SNX9: variants seen among roughly 807,000 people sequenced by gnomAD.
SNX9 encodes sorting nexin-9.
A neutral mutation model predicts 89.4 loss-of-function variants in SNX9; 44 were observed. That is an observed-to-expected ratio of 0.49 (90% CI 0.39 to 0.63). The LOEUF (loss-of-function observed/expected upper bound fraction) is 0.63. Among genes scored for constraint, SNX9 ranks in the 30% least tolerant of loss-of-function variants. The pLI, the probability that SNX9 is intolerant of heterozygous loss-of-function variation, is 0.00. For synonymous variants in SNX9, 236 were observed against 247.8 expected, an observed-to-expected ratio of 0.95 and a Z score of 0.45; for missense variants, 578 against 736.1, an observed-to-expected ratio of 0.79 and a Z score of 2.49.
At chr6:157,906,052 A>C (rs1783208681) in intron 6 of SNX9, 76 bp from the exon 7 acceptor site, 1 of 1,246,356 alleles carries the variant, frequency 8.0e-7, no homozygotes, top group Non-Finnish European at 1.1e-6. Flanking sequence ...AAAACTGGTA[A>C]GTAAATGTAG....
intron 1 of SNX9, among the ~76,000 whole-genome samples, chr6:157,845,419 C>T (rs1373332493): frequency 6.6e-6 from 1 of 152,142 alleles, no homozygotes; most frequent in East Asian, 1.9e-4. Context: ...CCCCATTTGT[C>T]TTAACTGTTG....
chr6:157,887,110 A>G (rs548414995), intron 4 of SNX9, among the ~76,000 whole-genome samples: 82 of 152,178 alleles, frequency 5.4e-4, no homozygotes, highest in African/African-American at 1.9e-3. Flanking sequence ...TATGCTGGAT[A>G]TTTTTGCATT....
At chr6:157,872,987 A>G (rs1782444923) in intron 2 of SNX9, 115 bp from the exon 3 acceptor site, 1 of 646,024 alleles carries the variant, frequency 1.5e-6, no homozygotes. Context: ...TCTAGGAATG[A>G]AAAGCTTAAT....
Position 157,826,849 on chromosome 6 carries a change from TATATATAAATATATATTATAGTTTATATA to T in SNX9, c.12+3442_12+3470del, listed in dbSNP as rs1554290562. Among the ~76,000 whole-genome samples the T allele has an allele frequency of 2.3e-4, 10 of 44,268 alleles. 1 individual carries two copies. The highest frequency in any genetic ancestry group is 6.7e-4 in the South Asian group (1 of 1,488). The allele number at this position is 44,268 out of a possible 152,430, so 29.0% of individuals were successfully genotyped here. On this transcript the variant is annotated intron_variant, in intron 1 of 17. Transcript: ENST00000392185. Reference sequence around the variant, plus strand: ...TATATTTTATATATATATTATATTTTATATATAAATATATATTATAGTTTATATAATATATAAATATATATTATAGTTTA... The same window carrying T: ...TATATTTTATATATATATTATATTTTATATATAAATATATATTATAGTTTA...
chr6:157,933,178 C>T (rs1413053693), intron 13 of SNX9, among the ~76,000 whole-genome samples: 1 of 152,150 alleles, frequency 6.6e-6, no homozygotes, highest in Non-Finnish European at 1.5e-5. Context: ...CCTGTAGTCT[C>T]AGCTGTTCTG....
intron 1 of SNX9, among the ~76,000 whole-genome samples, chr6:157,844,831 A>G (rs1781774096): frequency 6.6e-6 from 1 of 151,870 alleles, no homozygotes; most frequent in Non-Finnish European, 1.5e-5. Context: ...CTGACCTCAA[A>G]TGATTTACCC....
At chr6:157,844,597 TTTG>T (rs1303759559) in intron 1 of SNX9, among the ~76,000 whole-genome samples, 11 of 139,250 alleles carry the variant, frequency 7.9e-5, no homozygotes, top group South Asian at 2.3e-4. Flanking sequence ...GTTTTTTTTT[TTTG>T]TTTTTTTTTT....
At chr6:157,940,058 T>C (rs1160472507) in intron 16 of SNX9, among the ~76,000 whole-genome samples, 1 of 152,154 alleles carries the variant, frequency 6.6e-6, no homozygotes, top group African/African-American at 2.4e-5. Flanking sequence ...CTGTGAGAGG[T>C]TGAGTTCTGA....
chr6:157,830,703 C>A (rs192018102), intron 1 of SNX9: 1 of 152,270 alleles, frequency 6.6e-6, no homozygotes, highest in African/African-American at 2.4e-5. Context: ...GACTGAGGAA[C>A]TGTGTTTAAA....
chr6:157,829,948 T>C (rs1434505748), intron 1 of SNX9, among the ~76,000 whole-genome samples: 9 of 152,200 alleles, frequency 5.9e-5, no homozygotes, highest in African/African-American at 2.2e-4. Flanking sequence ...AAGTCTCTTT[T>C]TTCCAGTGGT....
chr6:157,870,275 T>G (rs536859525), intron 2 of SNX9, among the ~76,000 whole-genome samples: 29 of 125,040 alleles, frequency 2.3e-4, no homozygotes, highest in African/African-American at 7.4e-4. Flanking sequence ...CCCACGCTCA[T>G]GCTCTCACAT....
chr6:157,831,786 G>A (rs1049168698), intron 1 of SNX9, among the ~76,000 whole-genome samples: 1 of 152,186 alleles, frequency 6.6e-6, no homozygotes, highest in Admixed American at 6.5e-5. Context: ...ATTTTATTCA[G>A]CACTTCAGTT....
intron 1 of SNX9, among the ~76,000 whole-genome samples, chr6:157,836,950 A>T (rs1327461869): frequency 3.3e-5 from 5 of 152,166 alleles, no homozygotes; most frequent in Non-Finnish European, 7.4e-5. Context: ...TAGGGACCTA[A>T]CTTCCAGAAC....
rs1784073447 is a variant in SNX9, at chr6:157,942,940, A to G, written c.*102A>G. ...CTATTATTCAGAAAAAAAAGGAAAC[A>G]AAACCAAAAAGAAAGAGTTGCAAAA... is the stretch of plus-strand genomic sequence containing the variant. On this transcript the variant is annotated 3_prime_UTR_variant, in exon 18 of 18. Coordinates refer to ENST00000392185, the MANE Select transcript of SNX9 (RefSeq NM_016224.5). 7.6e-7 allele frequency: 1 copy of G among 1,311,328 alleles called. No homozygotes were observed. 81.2% of individuals were successfully genotyped at this position (1,311,328 alleles called of 1,614,324 possible).
chr6:157,924,459 C>CTA (rs1783648095), intron 10 of SNX9: 5 of 152,158 alleles, frequency 3.3e-5, no homozygotes, highest in Admixed American at 3.3e-4. Context: ...GCACCCAAAA[C>CTA]TATAGCCAAA....
At chr6:157,827,539 ATATAT>A (rs781347789) in intron 1 of SNX9, among the ~76,000 whole-genome samples, 306 of 21,654 alleles carry the variant, frequency 0.014, 2 homozygotes, top group Non-Finnish European at 0.015. Flanking sequence ...ATATATAAAC[ATATAT>A]TATATTATAG....
intron 6 of SNX9, 32 bp from the exon 7 acceptor site, chr6:157,906,096 T>TA: frequency 1.9e-6 from 3 of 1,578,410 alleles, no homozygotes; most frequent in Non-Finnish European, 8.7e-7. Flanking sequence ...AGGAAAGTCT[T>TA]AAGACTGATG....
chr6:157,851,326 A>T (rs1328538770), intron 1 of SNX9, among the ~76,000 whole-genome samples: 2 of 152,160 alleles, frequency 1.3e-5, no homozygotes, highest in Admixed American at 1.3e-4. Context: ...TCTTAGTTAA[A>T]AAAGAATAAA....
intron 14 of SNX9, 68 bp from the exon 15 acceptor site, chr6:157,937,366 A>G (rs1005661745): frequency 1.3e-5 from 14 of 1,086,604 alleles, no homozygotes; most frequent in Non-Finnish European, 2.0e-5. Context: ...CTTTGGGTAT[A>G]ATAGTTCTCT....
Sources: allele counts gnomAD v4.1 joint callset (sites outside exome capture counted in the v4.1 genomes callset), GRCh38; gene constraint gnomAD v4.1.1; transcripts MANE v1.5; gene names NCBI Gene and HGNC (gene_info 2026-07-23, HGNC 2026-07-21).